DCDC1: variants seen among roughly 807,000 people sequenced by gnomAD.
The protein encoded by DCDC1 is doublecortin domain-containing protein 1.
In DCDC1, 200 loss-of-function variants were observed where a neutral mutation model predicts 178.3. That is an observed-to-expected ratio of 1.12 (90% CI 1.00 to 1.26). DCDC1 has a LOEUF of 1.26. DCDC1 is among the 50% of genes most tolerant of loss of function. The pLI is 0.00. For missense variants in DCDC1, 1,983 were observed against 1,749.2 expected (o/e 1.13, Z -2.38); for synonymous variants, 690 against 604.8 (o/e 1.14, Z -2.07).
At chr11:31,015,486 G>A (rs1952436439) in intron 20 of DCDC1, among the ~76,000 whole-genome samples, 1 of 151,858 alleles carries the variant, frequency 6.6e-6, no homozygotes, top group Non-Finnish European at 1.5e-5. Context: ...CTCTTCTCTT[G>A]TTGATCTTCT....
intron 21 of DCDC1, among the ~76,000 whole-genome samples, chr11:30,938,453 C>G (rs1473040456): frequency 1.3e-5 from 2 of 152,176 alleles, no homozygotes; most frequent in Non-Finnish European, 2.9e-5. Context: ...TCAGGGTCAG[C>G]AGCTTAACTC....
At chr11:30,925,636 C>A (rs1946542870) in intron 22 of DCDC1, among the ~76,000 whole-genome samples, 1 of 152,124 alleles carries the variant, frequency 6.6e-6, no homozygotes, top group African/African-American at 2.4e-5. Flanking sequence ...AGATTTCTTA[C>A]CTTCCAGGGT....
chr11:31,337,328 T>G (rs972714), intron 1 of DCDC1, among the ~76,000 whole-genome samples: 107,558 of 152,150 alleles, frequency 0.71, 39,456 homozygotes, highest in African/African-American at 0.9. Context: ...GATTGCTACA[T>G]AAGATGAGAC....
intron 20 of DCDC1, among the ~76,000 whole-genome samples, chr11:31,022,329 G>A (rs1489902493): frequency 6.6e-6 from 1 of 152,116 alleles, no homozygotes; most frequent in Non-Finnish European, 1.5e-5. Flanking sequence ...CAGATAGTAT[G>A]TTCCCTTTGT....
At chr11:31,143,080 CA>C (rs1349647422) in intron 9 of DCDC1, among the ~76,000 whole-genome samples, 1 of 151,710 alleles carries the variant, frequency 6.6e-6, no homozygotes, top group African/African-American at 2.4e-5. Flanking sequence ...GTTAAGGAGA[CA>C]ATTAAAAAAC....
At chr11:31,216,768 C>A (rs1189028215) in intron 9 of DCDC1, among the ~76,000 whole-genome samples, 1 of 152,060 alleles carries the variant, frequency 6.6e-6, no homozygotes, top group East Asian at 1.9e-4. Context: ...TGGTCTGTGG[C>A]CTTCAATTTT....
chr11:30,863,830 CACAA>C lies in DCDC1; in HGVS notation c.*1539_*1542del, dbSNP rs1329234626. 2.0e-5 allele frequency: 3 copies of C among 152,142 alleles called. No homozygotes were observed. Among genetic ancestry groups the C allele is most frequent in the East Asian group, 1.9e-4 (1 of 5,188 alleles). The allele number at this position is 152,142 out of a possible 1,614,324, so 9.4% of individuals were successfully genotyped here. A position where few individuals can be genotyped will look rare whatever the true frequency, so the allele number is the denominator to read the frequency against. ...TGTGACAAACATCCACAGTTCTGTG[CACAA>C]ACATTTTTTGGGCTGGGTGTGGTGG... is the stretch of plus-strand genomic sequence containing the variant. On this transcript the variant is annotated 3_prime_UTR_variant, in exon 39 of 39. Transcript: ENST00000684477.
chr11:31,196,148 A>G (rs1970665758), intron 9 of DCDC1, among the ~76,000 whole-genome samples: 1 of 151,846 alleles, frequency 6.6e-6, no homozygotes, highest in Non-Finnish European at 1.5e-5. Flanking sequence ...TCCTCTTCCC[A>G]TCTTATTCCA....
At chr11:30,888,096 GAAAAAGAAAGAAAGAAAGAA>G (rs1943396196) in intron 36 of DCDC1, among the ~76,000 whole-genome samples, 2 of 90,600 alleles carry the variant, frequency 2.2e-5, no homozygotes, top group African/African-American at 8.3e-5. Context: ...AAGAAAGAAA[GAAAAAGAAAGAAAGAAAGAA>G]AGAAAGAAAG....
chr11:30,915,986 T>A (rs1945805583), intron 26 of DCDC1, among the ~76,000 whole-genome samples: 1 of 152,088 alleles, frequency 6.6e-6, no homozygotes, highest in South Asian at 2.1e-4. Context: ...AAAAAAGAAC[T>A]TCAGTTGACA....
intron 9 of DCDC1, among the ~76,000 whole-genome samples, chr11:31,186,255 G>T (rs945573264): frequency 6.6e-6 from 1 of 152,082 alleles, no homozygotes; most frequent in African/African-American, 2.4e-5. Flanking sequence ...TACTCTCCTT[G>T]TTCCTCCACA....
chr11:31,206,049 T>G (rs564719164), intron 9 of DCDC1, among the ~76,000 whole-genome samples: 2 of 152,212 alleles, frequency 1.3e-5, no homozygotes, highest in Non-Finnish European at 2.9e-5. Flanking sequence ...ATTACTGCGA[T>G]AGATGAGTTT....
rs74851040 is a variant in DCDC1 at position 31,363,852 on chromosome 11, A to G, written c.-125+5845T>C. ...AGTAGCATGCTTTAAAAAACAGTACAGCCAGTACCTGACTTAGGATGGTTT... is the reference window on the plus strand; with the variant it reads ...AGTAGCATGCTTTAAAAAACAGTACGGCCAGTACCTGACTTAGGATGGTTT... On this transcript the variant is annotated intron_variant, in intron 1 of 38. Transcript: ENST00000684477. Among the ~76,000 whole-genome samples, 36 of 152,336 alleles carry G rather than the reference A, an allele frequency of 2.4e-4. No individual in the cohort carries two copies. The East Asian group carries it at 6.9e-3, about 29-fold the overall frequency.
At chr11:31,348,612 CACA>C (rs1452346213) in intron 1 of DCDC1, among the ~76,000 whole-genome samples, 1 of 152,138 alleles carries the variant, frequency 6.6e-6, no homozygotes, top group Non-Finnish European at 1.5e-5. Context: ...ATCCCCATAC[CACA>C]GTGGAAGCCA....
At position 30,884,702 on chromosome 11, in the gene DCDC1, C is replaced by CA. The variant is rs1324043340; in HGVS notation, c.5083-3395dup. Among the ~76,000 whole-genome samples the CA allele has an allele frequency of 5.9e-5, 9 of 151,428 alleles. No individual in the cohort carries two copies. The East Asian group carries it at 1.7e-3, about 29-fold the overall frequency. Reference sequence around the variant, plus strand: ...TTTAAAAATCTAAGACCCTTGTAAACAAAAAAACTATAAAATTTTGCTGAT... The same window carrying CA: ...TTTAAAAATCTAAGACCCTTGTAAACAAAAAAAACTATAAAATTTTGCTGAT... On this transcript the variant is annotated intron_variant, in intron 36 of 38. Coordinates refer to ENST00000684477, the MANE Select transcript of DCDC1 (RefSeq NM_001387274.1).
In DCDC1 at chr11:31,305,662, T is replaced by C. The variant is rs1274130059; in HGVS notation, c.707A>G (p.Tyr236Cys). The C allele has an allele frequency of 1.9e-6, 3 of 1,613,908 alleles. No homozygotes were observed. The highest frequency in any genetic ancestry group is 8.5e-7 in the Non-Finnish European group (1 of 1,179,846). The part of the protein sequence containing the change: ...PEDIPHEADV[Y>C]VSTGEPFLNP... Reference sequence around the variant, plus strand: ...TAAAAAGGGCTCTCCCGTTGAAACATAAACATCGGCTTCATGGGGTATATC... The same window carrying C: ...TAAAAAGGGCTCTCCCGTTGAAACACAAACATCGGCTTCATGGGGTATATC... The change falls in exon 6 of 39, where the codon TAT becomes TGT. Residue 236 changes from tyrosine to cysteine, a missense_variant. Physicochemically the swap from Tyr to Cys is radical, Grantham distance 194 (BLOSUM62 -2). Transcript: ENST00000684477.
intron 30 of DCDC1, among the ~76,000 whole-genome samples, 191 bp from the exon 31 acceptor site, chr11:30,905,355 G>A (rs1234887406): frequency 6.6e-6 from 1 of 152,150 alleles, no homozygotes; most frequent in Non-Finnish European, 1.5e-5. Context: ...TTCCCTCCCA[G>A]GCCTGTCACT....
At chr11:30,871,005 C>T (rs1243753173) in intron 38 of DCDC1, among the ~76,000 whole-genome samples, 3 of 152,170 alleles carry the variant, frequency 2.0e-5, no homozygotes, top group Non-Finnish European at 4.4e-5. Flanking sequence ...CTGTTCCTTA[C>T]GTAGGGAAAC....
At chr11:31,054,541 A>C (rs1020241207) in intron 20 of DCDC1, among the ~76,000 whole-genome samples, 3 of 152,214 alleles carry the variant, frequency 2.0e-5, no homozygotes, top group Non-Finnish European at 4.4e-5. Context: ...AAACAAGACT[A>C]AGCAAAAAGA....
Sources: gnomAD v4.1 joint callset for allele counts (sites outside exome capture counted in the v4.1 genomes callset) on GRCh38, gnomAD v4.1.1 for gene constraint, MANE v1.5 for transcripts, NCBI Gene and HGNC (gene_info 2026-07-23, HGNC 2026-07-21) for gene names.